SYNPR: variants seen among roughly 807,000 people sequenced by gnomAD.
The protein encoded by SYNPR is synaptoporin.
In SYNPR, 23 loss-of-function variants were observed where a neutral mutation model predicts 32.9. The observed-to-expected ratio is 0.70, with a 90% CI of 0.50 to 0.99. The LOEUF (loss-of-function observed/expected upper bound fraction) is 0.99. Ranked by LOEUF, SYNPR falls within the 50% of genes least tolerant of loss-of-function variation. The pLI is 0.00. For synonymous variants in SYNPR, 146 were observed against 135.9 expected, an observed-to-expected ratio of 1.07 and a Z score of -0.52; for missense variants, 318 against 349.3, an observed-to-expected ratio of 0.91 and a Z score of 0.71.
intron 2 of SYNPR, among the ~76,000 whole-genome samples, chr3:63,471,143 G>A (rs1191232010): frequency 2.6e-5 from 4 of 152,178 alleles, no homozygotes; most frequent in Non-Finnish European, 1.5e-5. Context: ...AAATCACAAA[G>A]CAGTTAGAAG....
At chr3:63,530,497 G>T (rs569275766) in intron 3 of SYNPR, among the ~76,000 whole-genome samples, 1 of 152,320 alleles carries the variant, frequency 6.6e-6, no homozygotes, top group Admixed American at 6.5e-5. Context: ...TAACAGAATT[G>T]CTGTGATGAC....
intron 1 of SYNPR, among the ~76,000 whole-genome samples, chr3:63,242,533 G>A (rs1203837253): frequency 1.3e-5 from 2 of 152,086 alleles, no homozygotes; most frequent in African/African-American, 2.4e-5. Flanking sequence ...CACTAGTATG[G>A]AACAGAAACT....
chr3:63,560,610 T>C (rs1702669819), intron 4 of SYNPR, among the ~76,000 whole-genome samples: 1 of 152,212 alleles, frequency 6.6e-6, no homozygotes, highest in African/African-American at 2.4e-5. Context: ...TTAGGTAATT[T>C]CTAAAGAAAA....
At chr3:63,522,430 C>T (rs1306796122) in intron 3 of SYNPR, among the ~76,000 whole-genome samples, 1 of 152,202 alleles carries the variant, frequency 6.6e-6, no homozygotes, top group Non-Finnish European at 1.5e-5. Context: ...TATATTTAGG[C>T]ATCTCACCAA....
intron 4 of SYNPR, among the ~76,000 whole-genome samples, chr3:63,573,502 T>C (rs1043145072): frequency 1.3e-5 from 2 of 152,158 alleles, no homozygotes; most frequent in Admixed American, 1.3e-4. Context: ...TTCTTGAAGC[T>C]TTAAGGATAT....
At chr3:63,331,266 G>C (rs2087227474) in intron 2 of SYNPR, among the ~76,000 whole-genome samples, 2 of 152,146 alleles carry the variant, frequency 1.3e-5, no homozygotes, top group South Asian at 4.1e-4. Flanking sequence ...TGCCGTTCTA[G>C]GATTAAAGGA....
intron 2 of SYNPR, among the ~76,000 whole-genome samples, chr3:63,465,849 A>T (rs115383754): frequency 3.6e-4 from 55 of 151,004 alleles, no homozygotes; most frequent in Admixed American, 7.3e-4. Context: ...TTGAATCTAA[A>T]TTTTTTTTTT....
In SYNPR at chr3:63,448,256, G is replaced by C. The variant is rs548568285; in HGVS notation, c.85-32576G>C. 1.2e-3 allele frequency among the ~76,000 whole-genome samples: 187 copies of C among 152,150 alleles called. 7 individuals carry two copies. In the South Asian group the frequency reaches 0.038, roughly 31 times the overall value. ...TAACCTCAGGTGATCCTCCTGCCTC[G>C]GTCTCCCAAAGTGCTGGGATTACAG... On this transcript the variant is annotated intron_variant, in intron 2 of 5. Coordinates refer to ENST00000478300, the MANE Select transcript of SYNPR (RefSeq NM_001130003.2).
intron 3 of SYNPR, among the ~76,000 whole-genome samples, chr3:63,272,856 T>G (rs1298489167): frequency 6.6e-6 from 1 of 152,094 alleles, no homozygotes; most frequent in Non-Finnish European, 1.5e-5. Flanking sequence ...ATTGTCTCAG[T>G]GATTGGCTTT....
chr3:63,262,271 A>T (rs1287705629), intron 2 of SYNPR, among the ~76,000 whole-genome samples: 2 of 152,198 alleles, frequency 1.3e-5, no homozygotes, highest in African/African-American at 4.8e-5. Flanking sequence ...AAGCAAATAC[A>T]AAGTGATACA....
intron 3 of SYNPR, among the ~76,000 whole-genome samples, chr3:63,531,977 G>T (rs1457082724): frequency 6.6e-6 from 1 of 152,164 alleles, no homozygotes; most frequent in South Asian, 2.1e-4. Flanking sequence ...CTACCAGGTT[G>T]CTCCCTAATG....
At chr3:63,551,721 A>T (rs1011125792) in intron 3 of SYNPR, among the ~76,000 whole-genome samples, 1 of 152,064 alleles carries the variant, frequency 6.6e-6, no homozygotes, top group Non-Finnish European at 1.5e-5. Flanking sequence ...AGTCACTTCC[A>T]TAGGGAATCT....
chr3:63,445,903 C>G (rs1303647885), intron 2 of SYNPR, among the ~76,000 whole-genome samples: 1 of 152,152 alleles, frequency 6.6e-6, no homozygotes, highest in Non-Finnish European at 1.5e-5. Context: ...ACAAGGTAGT[C>G]TCCTTCCTCT....
intron 2 of SYNPR, among the ~76,000 whole-genome samples, chr3:63,319,310 T>G (rs1014793737): frequency 1.3e-5 from 2 of 152,122 alleles, no homozygotes; most frequent in Admixed American, 6.6e-5. Context: ...AATATCAGAC[T>G]ATTTTGGTTA....
intron 4 of SYNPR, among the ~76,000 whole-genome samples, chr3:63,557,568 T>C (rs1004880592): frequency 3.3e-5 from 5 of 152,236 alleles, no homozygotes; most frequent in South Asian, 2.1e-4. Flanking sequence ...CTGACTAATA[T>C]ACTTTTTTGG....
intron 2 of SYNPR, among the ~76,000 whole-genome samples, chr3:63,345,098 G>A (rs753515623): frequency 2.0e-5 from 3 of 152,164 alleles, no homozygotes; most frequent in Admixed American, 6.5e-5. Flanking sequence ...CACCCCATGC[G>A]ACTCTTGAGC....
chr3:63,327,587 T>G (rs1164223495), intron 2 of SYNPR, among the ~76,000 whole-genome samples: 2 of 152,172 alleles, frequency 1.3e-5, no homozygotes, highest in African/African-American at 4.8e-5. Flanking sequence ...GGTATATTTA[T>G]GCATTTGACT....
At chr3:63,415,689 C>G (rs976320360) in intron 2 of SYNPR, among the ~76,000 whole-genome samples, 18 of 152,204 alleles carry the variant, frequency 1.2e-4, no homozygotes, top group African/African-American at 4.3e-4. Context: ...CCATAGTTCT[C>G]CAACCAGTGG....
chr3:63,564,600 A>G (rs1409536478), intron 4 of SYNPR, among the ~76,000 whole-genome samples: 1 of 152,032 alleles, frequency 6.6e-6, no homozygotes, highest in African/African-American at 2.4e-5. Context: ...CATAATCTAA[A>G]CCACTATAAA....
Sources: allele counts gnomAD v4.1 joint callset (sites outside exome capture counted in the v4.1 genomes callset), GRCh38; gene constraint gnomAD v4.1.1; transcripts MANE v1.5; gene names NCBI Gene and HGNC (gene_info 2026-07-23, HGNC 2026-07-21).